The following RBM23 variants were observed in gnomAD, a reference collection of about 807,000 sequenced individuals.
RBM23 encodes the protein probable RNA-binding protein 23.
Under a neutral mutation model 56.2 loss-of-function variants are expected in RBM23, and 53 were observed. The ratio of observed to expected loss-of-function variants is 0.94; its 90% confidence interval spans 0.76 to 1.19. The LOEUF (loss-of-function observed/expected upper bound fraction) is 1.19. RBM23 is among the 50% of genes most tolerant of loss of function. The pLI is 0.00. For synonymous variants in RBM23, 197 were observed against 198.5 expected (o/e 0.99, Z 0.06); for missense variants, 642 against 590.3 (o/e 1.09, Z -0.91).
intron 10 of RBM23, chr14:22,903,042 A>G (rs1230510856): frequency 1.1e-5 from 11 of 982,620 alleles, no homozygotes; most frequent in Non-Finnish European, 1.3e-5. Context: ...TTGGCCTCCC[A>G]AACTGCTGGG....
intron 12 of RBM23, 23 bp from the exon 13 acceptor site, chr14:22,901,906 G>A (rs201521914): frequency 1.7e-5 from 27 of 1,614,072 alleles, no homozygotes; most frequent in South Asian, 9.9e-5. Flanking sequence ...CAGGCAGAGT[G>A]AGTGAGCAAG....
At chr14:22,902,773 T>A in intron 10 of RBM23, 1 of 968,520 alleles carries the variant, frequency 1.0e-6, no homozygotes, top group Non-Finnish European at 1.2e-6. Context: ...TTTTTTTTTT[T>A]TTTTTTTTTT....
At chr14:22,904,351 G>A (rs1430150665) in intron 9 of RBM23, 25 bp from the exon 10 acceptor site, 1 of 1,558,726 alleles carries the variant, frequency 6.4e-7, no homozygotes, top group African/African-American at 1.4e-5. Context: ...GAAATTATCA[G>A]TAAACTTTTG....
chr14:22,913,423 AAAAAAAAATT>A (rs1361818017), intron 1 of RBM23, among the ~76,000 whole-genome samples: 2 of 150,776 alleles, frequency 1.3e-5, no homozygotes. Flanking sequence ...CAAAAAAAAA[AAAAAAAAATT>A]AAAAAAAATT....
At chr14:22,905,778 T>C (rs1282208120) in intron 5 of RBM23, 119 bp from the exon 6 acceptor site, 8 of 807,964 alleles carry the variant, frequency 9.9e-6, no homozygotes, top group Non-Finnish European at 1.4e-5. Flanking sequence ...AAGACAGGGT[T>C]TCCGCTGTCA....
Position 22,902,756 on chromosome 14 carries a change from CTTTTTTTTTTTTTTTT to C in RBM23, c.931-390_931-375del, listed in dbSNP as rs59987550. On this transcript the variant is annotated intron_variant, in intron 10 of 13. Coordinates refer to ENST00000359890, the MANE Select transcript of RBM23 (RefSeq NM_001077351.2). ...GTTCTCTATCCTAGTAAGTTTTAGTCTTTTTTTTTTTTTTTTTTTTTTTTTTTTGAGACGGAGTCCC... is the reference window on the plus strand; with the variant it reads ...GTTCTCTATCCTAGTAAGTTTTAGTCTTTTTTTTTTTTGAGACGGAGTCCC... 4.2e-4 allele frequency: 193 copies of C among 460,886 alleles called. 1 individual carries two copies. Among genetic ancestry groups the C allele is most frequent in the Non-Finnish European group, 4.7e-4 (185 of 392,248 alleles). 28.5% of individuals were successfully genotyped at this position (460,886 alleles called of 1,614,324 possible). A position where few individuals can be genotyped will look rare whatever the true frequency, so the allele number is the denominator to read the frequency against.
In RBM23 at chr14:22,904,932, G is replaced by C. The variant is rs375422567; in HGVS notation, c.807C>G (p.Ser269=). The change falls in exon 9 of 14, where the codon TCC becomes TCG. Residue 269 remains serine, a synonymous_variant. Coordinates refer to ENST00000359890, the MANE Select transcript of RBM23 (RefSeq NM_001077351.2). ...NGGPMRLYVG[S]LHFNITEDML... Reference sequence around the variant, plus strand: ...TGTCTTCAGTGATATTGAAGTGCAGGGAACCCACATAGAGGCGCATTGGTC... The same window carrying C: ...TGTCTTCAGTGATATTGAAGTGCAGCGAACCCACATAGAGGCGCATTGGTC... 5 of 1,614,182 alleles carry C rather than the reference G, an allele frequency of 3.1e-6. No individual in the cohort carries two copies. In the East Asian group the frequency reaches 1.1e-4, roughly 36 times the overall value.
intron 9 of RBM23, 136 bp downstream of exon 9, chr14:22,904,739 C>G (rs192416485): frequency 3.1e-6 from 4 of 1,308,564 alleles, no homozygotes; most frequent in Non-Finnish European, 4.2e-6. Flanking sequence ...CAAACTTTCA[C>G]AGCATAGACT....
rs753776492 is a variant in RBM23, at chr14:22,909,604, T to A, written c.67-9A>T. The A allele has an allele frequency of 3.1e-6, 5 of 1,607,446 alleles. No individual in the cohort carries two copies. In the South Asian group the frequency reaches 5.5e-5, roughly 18 times the overall value. On this transcript the variant is annotated splice_polypyrimidine_tract_variant and intron_variant, in intron 2 of 13. Coordinates refer to ENST00000359890, the MANE Select transcript of RBM23 (RefSeq NM_001077351.2). ...TTCCTTTGTTGCTCATCCTGAGGCA[T>A]TCACCAGGAAAATGTCACAAGGTAT...
chr14:22,916,777 T>C (rs1461501808), intron 1 of RBM23, among the ~76,000 whole-genome samples: 2 of 152,198 alleles, frequency 1.3e-5, no homozygotes, highest in Admixed American at 6.5e-5. Flanking sequence ...CTAAACCTCA[T>C]TGTGAGTCTC....
At position 22,900,016 on chromosome 14, in the gene RBM23, T is replaced by G. The variant is rs1178687028; in HGVS notation, c.*1714A>C. 6.6e-6 allele frequency: 1 copy of G among 152,022 alleles called. No individual in the cohort carries two copies. The highest frequency in any genetic ancestry group is 1.5e-5 in the Non-Finnish European group (1 of 68,010). The allele number at this position is 152,022 out of a possible 1,614,324, so 9.4% of individuals were successfully genotyped here. On this transcript the variant is annotated 3_prime_UTR_variant, in exon 14 of 14. Coordinates refer to ENST00000359890, the MANE Select transcript of RBM23 (RefSeq NM_001077351.2). ...GTGAGACAGCCTCTCTCCCACCCCC[T>G]TATTATTAAGGCAGTGGTAGGTGCA...
chr14:22,913,818 C>T (rs1343193702), intron 1 of RBM23: 1 of 151,686 alleles, frequency 6.6e-6, no homozygotes, highest in Non-Finnish European at 1.5e-5. Context: ...CACTGTGCTC[C>T]AGCCTGGGTG....
In RBM23 at chr14:22,900,552, G is replaced by T. The variant is rs529080761; in HGVS notation, c.*1178C>A. ...AAGATAGATGGAGAAGACAACCATA[G>T]ATCAACAGTGTAATGCAGATACAGA... On this transcript the variant is annotated 3_prime_UTR_variant, in exon 14 of 14. Transcript: ENST00000359890. 1 of 152,282 alleles carries T rather than the reference G, an allele frequency of 6.6e-6. No individual in the cohort carries two copies. Among genetic ancestry groups the T allele is most frequent in the East Asian group, 1.9e-4 (1 of 5,194 alleles). 9.4% of individuals were successfully genotyped at this position (152,282 alleles called of 1,614,324 possible).
At position 22,906,274 on chromosome 14, in the gene RBM23, G is replaced by A. The variant is rs1289782776; in HGVS notation, c.322C>T (p.Arg108Ter). ...CGACTTCGCGACTCACTACCATGTC[G>A]ACGATCCCAGCTACGGCTACGGTGA... ...CRHRSRSWDR[R>*]HGSESRSRDH... Residue 108 changes from arginine (R) to a stop codon, truncating the protein, a stop_gained, in exon 5 of 14, where the codon CGA becomes TGA. Transcript: ENST00000359890. LOFTEE classifies it high-confidence loss of function. 18 of 1,614,070 alleles carry A rather than the reference G, an allele frequency of 1.1e-5. No homozygotes were observed. The highest frequency in any genetic ancestry group is 4.5e-5 in the East Asian group (2 of 44,900).
intron 1 of RBM23, among the ~76,000 whole-genome samples, chr14:22,918,135 C>CTGTAATCCCAGCA (rs1228931881): frequency 6.6e-6 from 1 of 152,210 alleles, no homozygotes; most frequent in African/African-American, 2.4e-5. Flanking sequence ...TGGCTCACGC[C>CTGTAATCCCAGCA]TGTAATCCCA....
At chr14:22,914,323 CAAAA>C (rs1176405918) in intron 1 of RBM23, among the ~76,000 whole-genome samples, 1 of 87,806 alleles carries the variant, frequency 1.1e-5, no homozygotes. Flanking sequence ...GACTCTGTCT[CAAAA>C]AAAAAAAAAA....
chr14:22,913,079 G>A (rs1404333633), intron 1 of RBM23, among the ~76,000 whole-genome samples: 2 of 149,532 alleles, frequency 1.3e-5, no homozygotes, highest in Non-Finnish European at 3.0e-5. Context: ...GGTTGCCTAG[G>A]GATAGAAGTA....
Position 22,901,997 on chromosome 14 carries a change from T to C in RBM23, c.1229A>G (p.Asn410Ser). The change falls in exon 12 of 14, where the codon AAT (asparagine) becomes AGT (serine). Residue 410 changes from asparagine to serine, a missense_variant. Coordinates refer to ENST00000359890, the MANE Select transcript of RBM23 (RefSeq NM_001077351.2). ...LNGAVPLGAL[N>S]PAALTALSPA... ...AAGACTACCAGTCAGAGCTGCTGGA[T>C]TCAGGGCCCCCAAGGGAACTGCTCC... The C allele has an allele frequency of 1.2e-6, 2 of 1,611,974 alleles. No homozygotes were observed. Among genetic ancestry groups the C allele is most frequent in the Non-Finnish European group, 1.7e-6 (2 of 1,178,540 alleles).
Position 22,910,151 on chromosome 14 carries a change from CAAAA to C in RBM23, c.67-560_67-557del, listed in dbSNP as rs532892000. Among the ~76,000 whole-genome samples the C allele has an allele frequency of 2.9e-3, 49 of 16,702 alleles. 3 individuals are homozygous for C. The East Asian group carries it at 0.068, about 23-fold the overall frequency. 11.0% of individuals were successfully genotyped at this position (16,702 alleles called of 152,430 possible). A position where few individuals can be genotyped will look rare whatever the true frequency, so the allele number is the denominator to read the frequency against. ...TGGGCAGCCTAGTGAGACTCTGTCTCAAAAAAAAAAAAAAAAAAAAAAAAAAGAG... is the reference window on the plus strand; with the variant it reads ...TGGGCAGCCTAGTGAGACTCTGTCTCAAAAAAAAAAAAAAAAAAAAAAGAG... On this transcript the variant is annotated intron_variant, in intron 2 of 13. Transcript: ENST00000359890.
Sources: allele counts gnomAD v4.1 joint callset (sites outside exome capture counted in the v4.1 genomes callset), GRCh38; gene constraint gnomAD v4.1.1; transcripts MANE v1.5; gene names NCBI Gene and HGNC (gene_info 2026-07-23, HGNC 2026-07-21).